TENM4: variants seen among roughly 807,000 people sequenced by gnomAD.
The protein encoded by TENM4 is teneurin transmembrane protein 4.
In TENM4, 82 loss-of-function variants were observed where a neutral mutation model predicts 243.3. The ratio of observed to expected loss-of-function variants is 0.34; its 90% CI spans 0.28 to 0.40. The LOEUF (loss-of-function observed/expected upper bound fraction) is 0.40. TENM4 is among the 10% of genes least tolerant of loss of function. The pLI, the probability that TENM4 is intolerant of heterozygous loss-of-function variation, is 1.00. For missense variants in TENM4, 3,138 were observed against 3,673.3 expected (o/e 0.85, Z 3.77); for synonymous variants, 1,412 against 1,456.3 (o/e 0.97, Z 0.69).
chr11:78,829,562 G>A (rs1376686572), intron 12 of TENM4, among the ~76,000 whole-genome samples: 1 of 152,144 alleles, frequency 6.6e-6, no homozygotes, highest in Non-Finnish European at 1.5e-5. Context: ...AGGCCAAGTC[G>A]GAGGCTGCAT....
chr11:79,145,891 G>T (rs1041144616), intron 4 of TENM4, among the ~76,000 whole-genome samples: 1 of 152,012 alleles, frequency 6.6e-6, no homozygotes, highest in Admixed American at 6.6e-5. Context: ...AATGTTATGT[G>T]CTTTTTTGGC....
At chr11:78,969,342 A>G (rs1358112732) in intron 6 of TENM4, among the ~76,000 whole-genome samples, 2 of 152,234 alleles carry the variant, frequency 1.3e-5, no homozygotes, top group Non-Finnish European at 2.9e-5. Flanking sequence ...CTGCAGAAAC[A>G]ATTTCTGTTA....
At chr11:79,019,507 T>C (rs1425046135) in intron 6 of TENM4, among the ~76,000 whole-genome samples, 1 of 152,218 alleles carries the variant, frequency 6.6e-6, no homozygotes, top group Non-Finnish European at 1.5e-5. Flanking sequence ...ATTGTCCCTA[T>C]CTTTCAGGTT....
At position 78,798,605 on chromosome 11, in the gene TENM4, G is replaced by A. The variant is rs117581526; in HGVS notation, c.2179+6687C>T. Among the ~76,000 whole-genome samples the A allele has an allele frequency of 4.6e-4, 70 of 152,324 alleles. 1 individual carries two copies. The East Asian group carries it at 0.01, about 22-fold the overall frequency. ...CGGCACAGCATTCAGCGGGCTCCGA[G>A]GTTTGGATCCTGCCTACCTCTGGCC... On this transcript the variant is annotated intron_variant, in intron 15 of 33. Transcript: ENST00000278550.
chr11:79,421,573 C>A (rs1038521343), intron 1 of TENM4, among the ~76,000 whole-genome samples: 1 of 151,988 alleles, frequency 6.6e-6, no homozygotes, highest in Non-Finnish European at 1.5e-5. Flanking sequence ...ATAATTCTAA[C>A]GGGGTTTTCA....
At chr11:78,667,179 T>C (rs1858178497) in intron 32 of TENM4, among the ~76,000 whole-genome samples, 1 of 152,210 alleles carries the variant, frequency 6.6e-6, no homozygotes, top group Non-Finnish European at 1.5e-5. Flanking sequence ...TGTTTATCCA[T>C]AGGCCCCAAG....
At chr11:79,407,761 G>T (rs2135566621) in intron 1 of TENM4, among the ~76,000 whole-genome samples, 1 of 152,288 alleles carries the variant, frequency 6.6e-6, no homozygotes, top group Non-Finnish European at 1.5e-5. Context: ...GTTAACAAAT[G>T]GGTGAAGATA....
intron 2 of TENM4, among the ~76,000 whole-genome samples, chr11:79,257,395 C>T (rs1187763129): frequency 1.3e-5 from 2 of 152,152 alleles, no homozygotes; most frequent in Non-Finnish European, 2.9e-5. Context: ...CCTCCAGTTT[C>T]AGGTAAAGAC....
intron 1 of TENM4, among the ~76,000 whole-genome samples, chr11:79,437,046 G>A (rs893642674): frequency 2.0e-5 from 3 of 152,214 alleles, no homozygotes; most frequent in Non-Finnish European, 4.4e-5. Context: ...CGGCACACAG[G>A]TGCCGCTAAA....
chr11:78,748,836 G>T (rs1168869256), intron 19 of TENM4, among the ~76,000 whole-genome samples: 1 of 152,184 alleles, frequency 6.6e-6, no homozygotes, highest in Non-Finnish European at 1.5e-5. Flanking sequence ...CTATGAGCCA[G>T]ACATCGGGCT....
At chr11:79,163,926 ATATATCATATATATCTATATAGTAC>A (rs1468640671) in intron 3 of TENM4, among the ~76,000 whole-genome samples, 2 of 142,040 alleles carry the variant, frequency 1.4e-5, no homozygotes, top group African/African-American at 5.2e-5. Flanking sequence ...ATATATCCAT[ATATATCATATATATCTATATAGTAC>A]TATATATCTA....
chr11:78,949,221 T>C (rs1406528864), intron 6 of TENM4, among the ~76,000 whole-genome samples: 1 of 152,214 alleles, frequency 6.6e-6, no homozygotes, highest in East Asian at 1.9e-4. Flanking sequence ...CCAAACTCAA[T>C]AGGCATTTTC....
intron 6 of TENM4, among the ~76,000 whole-genome samples, chr11:78,945,384 G>T (rs1219617675): frequency 1.3e-5 from 2 of 152,194 alleles, no homozygotes; most frequent in Non-Finnish European, 2.9e-5. Flanking sequence ...CACAAACTGT[G>T]TCTGGTGTAA....
intron 12 of TENM4, among the ~76,000 whole-genome samples, chr11:78,834,579 C>A (rs1409747812): frequency 2.0e-5 from 3 of 152,166 alleles, no homozygotes; most frequent in Non-Finnish European, 4.4e-5. Flanking sequence ...CTGCTGATTT[C>A]TTTTCTAATC....
At chr11:78,734,752 G>T (rs1242258399) in intron 20 of TENM4, among the ~76,000 whole-genome samples, 2 of 152,148 alleles carry the variant, frequency 1.3e-5, no homozygotes, top group African/African-American at 4.8e-5. Context: ...CACACGCATG[G>T]CATTGCACTG....
intron 3 of TENM4, among the ~76,000 whole-genome samples, chr11:79,206,843 G>A (rs1346705449): frequency 1.3e-5 from 2 of 152,094 alleles, no homozygotes; most frequent in Non-Finnish European, 1.5e-5. Context: ...ACTAATACAC[G>A]CTCCTCACCA....
chr11:78,832,245 A>G (rs1858001868), intron 12 of TENM4, among the ~76,000 whole-genome samples: 1 of 152,188 alleles, frequency 6.6e-6, no homozygotes, highest in Non-Finnish European at 1.5e-5. Flanking sequence ...ACCCTAGTCT[A>G]TAGTGACCCT....
chr11:79,428,347 G>A (rs970303942), intron 1 of TENM4, among the ~76,000 whole-genome samples: 18 of 152,338 alleles, frequency 1.2e-4, no homozygotes, highest in African/African-American at 4.3e-4. Context: ...TTGTCTAAGA[G>A]ATGTAAAATC....
chr11:79,226,798 G>A (rs1219200728), intron 2 of TENM4, among the ~76,000 whole-genome samples: 1 of 152,128 alleles, frequency 6.6e-6, no homozygotes, highest in East Asian at 1.9e-4. Context: ...TATAAAACAT[G>A]ATGGTTTTTA....
Sources: gnomAD v4.1 joint callset for allele counts (sites outside exome capture counted in the v4.1 genomes callset) on GRCh38, gnomAD v4.1.1 for gene constraint, MANE v1.5 for transcripts, NCBI Gene and HGNC (gene_info 2026-07-23, HGNC 2026-07-21) for gene names.